VPS45: variants seen among roughly 807,000 people sequenced by gnomAD.
The protein encoded by VPS45 is vacuolar protein sorting-associated protein 45.
Under a neutral mutation model 75.9 loss-of-function variants are expected in VPS45, and 35 were observed. The ratio of observed to expected loss-of-function variants is 0.46; its 90% CI spans 0.35 to 0.61. VPS45 has a LOEUF of 0.61. VPS45 is among the 20% of genes least tolerant of loss of function. The pLI is 0.00. For synonymous variants in VPS45, 220 were observed against 238.2 expected, an observed-to-expected ratio of 0.92 and a Z score of 0.70; for missense variants, 559 against 685.9, an observed-to-expected ratio of 0.81 and a Z score of 2.07.
intron 14 of VPS45, among the ~76,000 whole-genome samples, chr1:150,137,642 C>T (rs1362132204): frequency 6.6e-6 from 1 of 152,154 alleles, no homozygotes; most frequent in African/African-American, 2.4e-5. Flanking sequence ...ATGCTGGGCA[C>T]AGTGGCTCAC....
In VPS45 at chr1:150,137,915, CAAAAAAAAAA is replaced by C. The variant is rs61104098; in HGVS notation, c.1626-6783_1626-6774del. Among the ~76,000 whole-genome samples, 220 of 92,456 alleles carry C rather than the reference CAAAAAAAAAA, an allele frequency of 2.4e-3. 1 individual carries two copies. Among genetic ancestry groups the C allele is most frequent in the South Asian group, 7.0e-3 (16 of 2,278 alleles). The allele number at this position is 92,456 out of a possible 152,430, so 60.7% of individuals were successfully genotyped here. A position where few individuals can be genotyped will look rare whatever the true frequency, so the allele number is the denominator to read the frequency against. On this transcript the variant is annotated intron_variant, in intron 14 of 14. Transcript: ENST00000644510. ...AGGCGACAGAGTGAGACTCCGTCTC[CAAAAAAAAAA>C]AAAAAAAAAACAGTTTGAAATATCC...
At chr1:150,140,388 T>G (rs966314647) in intron 14 of VPS45, among the ~76,000 whole-genome samples, 12 of 108,518 alleles carry the variant, frequency 1.1e-4, no homozygotes, top group Middle Eastern at 4.1e-3. Context: ...TCACTTCTGG[T>G]GTGTGTGTGT....
At chr1:150,131,373 G>T (rs1258181230) in intron 14 of VPS45, among the ~76,000 whole-genome samples, 1 of 152,106 alleles carries the variant, frequency 6.6e-6, no homozygotes, top group Non-Finnish European at 1.5e-5. Flanking sequence ...GCTGGGTGTG[G>T]TGGCGGGCGC....
intron 13 of VPS45, among the ~76,000 whole-genome samples, chr1:150,106,248 T>G (rs1232002673): frequency 6.6e-6 from 1 of 151,976 alleles, no homozygotes; most frequent in Admixed American, 6.5e-5. Context: ...AAAACAAAAG[T>G]AGACAAGTAG....
chr1:150,127,365 G>A (rs902495675), intron 14 of VPS45, among the ~76,000 whole-genome samples: 3 of 150,070 alleles, frequency 2.0e-5, no homozygotes, highest in Admixed American at 1.3e-4. Context: ...TGCCCAGGCT[G>A]GAGTGCAGTG....
At chr1:150,141,087 G>A (rs1202052763) in intron 14 of VPS45, among the ~76,000 whole-genome samples, 2 of 152,148 alleles carry the variant, frequency 1.3e-5, no homozygotes, top group Admixed American at 6.5e-5. Flanking sequence ...AGTGTTTTAA[G>A]CTATTAATAA....
intron 13 of VPS45, among the ~76,000 whole-genome samples, chr1:150,096,555 A>T (rs1011022453): frequency 5.0e-4 from 76 of 152,338 alleles, no homozygotes; most frequent in African/African-American, 1.8e-3. Context: ...ATCCACAGTG[A>T]TGTTAAAGTC....
At chr1:150,093,833 T>C (rs587658996) in intron 13 of VPS45, among the ~76,000 whole-genome samples, 185 bp downstream of exon 13, 1 of 152,396 alleles carries the variant, frequency 6.6e-6, no homozygotes, top group African/African-American at 2.4e-5. Context: ...GAAACATTTA[T>C]TTCTTTTGTA....
chr1:150,143,209 T>A (rs1486312472), intron 14 of VPS45, among the ~76,000 whole-genome samples: 2 of 152,142 alleles, frequency 1.3e-5, no homozygotes, highest in African/African-American at 2.4e-5. Flanking sequence ...ACAGAAAAAG[T>A]GACTTTTATG....
At chr1:150,126,194 T>C (rs1658508531) in intron 14 of VPS45, among the ~76,000 whole-genome samples, 1 of 151,746 alleles carries the variant, frequency 6.6e-6, no homozygotes, top group Non-Finnish European at 1.5e-5. Flanking sequence ...TTTCATGGCT[T>C]TTGTTGTTGG....
At chr1:150,129,543 AT>A (rs1293505226) in intron 14 of VPS45, among the ~76,000 whole-genome samples, 1 of 151,676 alleles carries the variant, frequency 6.6e-6, no homozygotes, top group African/African-American at 2.4e-5. Flanking sequence ...ATGTATACAC[AT>A]TTTTTTTAAT....
chr1:150,093,550 G>A lies in VPS45; in HGVS notation c.1395G>A (p.Gln465=), dbSNP rs782595882. ...GLKGVENVYT[Q]HQPFLHETLD... ...AGGGAGTAGAAAATGTATATACACA[G>A]CATCAACCTTTCCTACATGAAACCC... The change falls in exon 13 of 15, where the codon CAG becomes CAA. Residue 465 remains glutamine, a synonymous_variant. Coordinates refer to ENST00000644510, the MANE Select transcript of VPS45 (RefSeq NM_007259.5). 1.9e-5 allele frequency: 31 copies of A among 1,613,684 alleles called. 1 individual carries two copies. In the African/African-American group the frequency reaches 3.3e-4, roughly 17 times the overall value.
Position 150,145,000 on chromosome 1 carries a change from T to C in VPS45, c.*204T>C. ...TAAGTCTGAGCCCATCTCAACCCAC[T>C]TTTCTCCGGTAGTCTTTATGTATCT... On this transcript the variant is annotated 3_prime_UTR_variant, in exon 15 of 15. Coordinates refer to ENST00000644510, the MANE Select transcript of VPS45 (RefSeq NM_007259.5). 1 of 1,336,104 alleles carries C rather than the reference T, an allele frequency of 7.5e-7. No individual in the cohort carries two copies. Among genetic ancestry groups the C allele is most frequent in the Non-Finnish European group, 1.0e-6 (1 of 983,710 alleles). The allele number at this position is 1,336,104 out of a possible 1,614,324, so 82.8% of individuals were successfully genotyped here.
In VPS45 at chr1:150,111,326, A is replaced by G. The variant is rs587603456; in HGVS notation, c.1625+699A>G. 1.4e-4 allele frequency among the ~76,000 whole-genome samples: 21 copies of G among 152,324 alleles called. 1 individual carries two copies. Among genetic ancestry groups the G allele is most frequent in the Admixed American group, 1.4e-3 (21 of 15,302 alleles). ...CTAGGTAGAGTTAACCACGTGAACA[A>G]GTTATAAAAGCTGTAGGCAACATAC... On this transcript the variant is annotated intron_variant, in intron 14 of 14. Coordinates refer to ENST00000644510, the MANE Select transcript of VPS45 (RefSeq NM_007259.5).
chr1:150,082,941 G>A (rs1206779017), intron 10 of VPS45, 58 bp downstream of exon 10: 2 of 1,481,808 alleles, frequency 1.3e-6, no homozygotes, highest in Admixed American at 2.5e-5. Context: ...GGCAGAGCAA[G>A]AGATAAAAAG....
chr1:150,144,830 C>G lies in VPS45; in HGVS notation c.*34C>G. On this transcript the variant is annotated 3_prime_UTR_variant, in exon 15 of 15. Coordinates refer to ENST00000644510, the MANE Select transcript of VPS45 (RefSeq NM_007259.5). ...TTGGGGGAAGGGCACAGCTTCCTCT[C>G]TTGTCCCCACTACAGGTTTTCCCTA... 7 of 1,613,614 alleles carry G rather than the reference C, an allele frequency of 4.3e-6. No homozygotes were observed. Among genetic ancestry groups the G allele is most frequent in the Non-Finnish European group, 5.9e-6 (7 of 1,179,902 alleles).
At position 150,077,238 on chromosome 1, in the gene VPS45, C is replaced by T. The variant is rs1655444542; in HGVS notation, c.576+7C>T. 2.5e-6 allele frequency: 4 copies of T among 1,606,472 alleles called. No homozygotes were observed. The highest frequency in any genetic ancestry group is 3.4e-6 in the Non-Finnish European group (4 of 1,177,864). On this transcript the variant is annotated splice_region_variant and intron_variant, in intron 6 of 14. Transcript: ENST00000644510. ...ACTTGCAGAGTGCGTTAAGGTATGG[C>T]ATTACCTATTCCTGGTTCCAAAACA...
chr1:150,088,868 C>T (rs1553801326), intron 10 of VPS45, among the ~76,000 whole-genome samples: 1 of 152,150 alleles, frequency 6.6e-6, no homozygotes, highest in African/African-American at 2.4e-5. Flanking sequence ...CTGCAGTAAA[C>T]ATAGGAGTGC....
At chr1:150,101,118 A>C (rs1360476999) in intron 13 of VPS45, among the ~76,000 whole-genome samples, 2 of 152,098 alleles carry the variant, frequency 1.3e-5, no homozygotes, top group Non-Finnish European at 2.9e-5. Context: ...AAAATACAAA[A>C]AATTAGCCAC....
Sources: gnomAD v4.1 joint callset for allele counts (sites outside exome capture counted in the v4.1 genomes callset) on GRCh38, gnomAD v4.1.1 for gene constraint, MANE v1.5 for transcripts, NCBI Gene and HGNC (gene_info 2026-07-23, HGNC 2026-07-21) for gene names.